The following CASZ1 variants were observed in gnomAD, a reference collection of about 807,000 sequenced individuals.
CASZ1 encodes the protein zinc finger protein castor homolog 1.
Under a neutral mutation model 135.2 loss-of-function variants are expected in CASZ1, and 28 were observed. That is an observed-to-expected ratio of 0.21 (90% confidence interval 0.15 to 0.28). The LOEUF (loss-of-function observed/expected upper bound fraction) is 0.28, where lower values mean the gene tolerates loss of function less well. Ranked by LOEUF, CASZ1 falls within the 10% of genes least tolerant of loss-of-function variation. The pLI is 1.00. For missense variants in CASZ1, 2,161 were observed against 2,453.3 expected (o/e 0.88, Z 2.52); for synonymous variants, 1,068 against 1,073.4 (o/e 0.99, Z 0.10).
chr1:10,710,261 C>T (rs925630420), intron 2 of CASZ1, among the ~76,000 whole-genome samples: 2 of 152,176 alleles, frequency 1.3e-5, no homozygotes, highest in Non-Finnish European at 2.9e-5. Flanking sequence ...GCCTCAAGTC[C>T]TTCATGGGAT....
At chr1:10,663,043 G>A (rs1038512721) in intron 5 of CASZ1, among the ~76,000 whole-genome samples, 1 of 152,198 alleles carries the variant, frequency 6.6e-6, no homozygotes, top group Admixed American at 6.5e-5. Flanking sequence ...TCAGGGTTAG[G>A]TGCACCCGCG....
At chr1:10,784,164 G>A (rs1224059503) in intron 1 of CASZ1, among the ~76,000 whole-genome samples, 1 of 152,152 alleles carries the variant, frequency 6.6e-6, no homozygotes, top group African/African-American at 2.4e-5. Flanking sequence ...TGGGAGAGAG[G>A]AAACCTGCAG....
chr1:10,782,888 C>T (rs1226247254), intron 1 of CASZ1, among the ~76,000 whole-genome samples: 1 of 152,122 alleles, frequency 6.6e-6, no homozygotes, highest in East Asian at 1.9e-4. Flanking sequence ...ACCAAACAGG[C>T]ACTGAGAGTT....
At chr1:10,765,266 TG>T (rs1334228821) in intron 1 of CASZ1, among the ~76,000 whole-genome samples, 1 of 151,068 alleles carries the variant, frequency 6.6e-6, no homozygotes, top group Non-Finnish European at 1.5e-5. Context: ...AGAGGGTACG[TG>T]GTGGAAGATA....
chr1:10,743,673 G>C (rs111732180), intron 2 of CASZ1, among the ~76,000 whole-genome samples: 3 of 142,820 alleles, frequency 2.1e-5, no homozygotes, highest in African/African-American at 8.4e-5. Context: ...ATGGGGGGGC[G>C]GGGTGCGGGG....
rs2100290085 is a variant in CASZ1, at chr1:10,665,175, T to C, written c.413A>G (p.Glu138Gly). 2 of 1,561,228 alleles carry C rather than the reference T, an allele frequency of 1.3e-6. No individual in the cohort carries two copies. Among genetic ancestry groups the C allele is most frequent in the South Asian group, 2.4e-5 (2 of 83,062 alleles). Reference sequence around the variant, plus strand: ...CAGGGCACCGCCGTCCTTGGAGGGCTCCTCCGCGTGGTCTTCCTCATCGCT... The same window carrying C: ...CAGGGCACCGCCGTCCTTGGAGGGCCCCTCCGCGTGGTCTTCCTCATCGCT... ...GCSDEEDHAEEPSKDGGALEE... is the reference protein window; with the variant it reads ...GCSDEEDHAEGPSKDGGALEE... The change falls in exon 5 of 21, where the codon GAG becomes GGG. Residue 138 changes from glutamate (E) to glycine (G), a missense_variant. Coordinates refer to ENST00000377022, the MANE Select transcript of CASZ1 (RefSeq NM_001079843.3).
At chr1:10,662,062 A>AACGC (rs1643051962) in intron 5 of CASZ1, among the ~76,000 whole-genome samples, 1 of 150,780 alleles carries the variant, frequency 6.6e-6, no homozygotes, top group Non-Finnish European at 1.5e-5. Flanking sequence ...AATCACCTAT[A>AACGC]ACACACACGC....
intron 2 of CASZ1, among the ~76,000 whole-genome samples, chr1:10,749,468 C>T (rs1010010596): frequency 1.3e-4 from 20 of 152,096 alleles, no homozygotes; most frequent in African/African-American, 4.1e-4. Flanking sequence ...AGGATGGTCT[C>T]GATCTCCTGA....
At position 10,721,884 on chromosome 1, in the gene CASZ1, G is replaced by T. The variant is rs1054745055; in HGVS notation, c.-76-16340C>A. ...GCCCATGCCGAGGGGAAGAAGAGGGGCCAGGGCAGCCTCTTCGGGTCCGCC... is the reference window on the plus strand; with the variant it reads ...GCCCATGCCGAGGGGAAGAAGAGGGTCCAGGGCAGCCTCTTCGGGTCCGCC... On this transcript the variant is annotated intron_variant, in intron 2 of 20. Transcript: ENST00000377022. The surrounding 1 kb of genome is among the most constrained non-coding windows in gnomAD (Gnocchi z 5.4). Among the ~76,000 whole-genome samples, 3 of 152,204 alleles carry T rather than the reference G, an allele frequency of 2.0e-5. No individual in the cohort carries two copies. The highest frequency in any genetic ancestry group is 7.2e-5 in the African/African-American group (3 of 41,448).
rs776446881 is a variant in CASZ1, at chr1:10,777,497, G to A, written c.-233-16640C>T. On this transcript the variant is annotated intron_variant, in intron 1 of 20. Coordinates refer to ENST00000377022, the MANE Select transcript of CASZ1 (RefSeq NM_001079843.3). The surrounding 1 kb of genome is among the most constrained non-coding windows in gnomAD (Gnocchi z 4.4). The stretch of plus-strand genomic sequence containing the variant: ...CAGAGCACAGTCTCACTCAGGGTAG[G>A]CCTGGGGCAGGGGACCAAGTGATAC... Among the ~76,000 whole-genome samples the A allele has an allele frequency of 6.6e-6, 1 of 152,200 alleles. No individual in the cohort carries two copies. The highest frequency in any genetic ancestry group is 1.5e-5 in the Non-Finnish European group (1 of 68,028).
chr1:10,686,573 T>TC (rs1415293516), intron 4 of CASZ1, among the ~76,000 whole-genome samples: 1 of 151,952 alleles, frequency 6.6e-6, no homozygotes, highest in Admixed American at 6.5e-5. Flanking sequence ...CACCTGGGCT[T>TC]CCCCCCAGGC....
Position 10,647,296 on chromosome 1 carries a change from C to A in CASZ1, c.3497+505G>T. 1 of 1,000,446 alleles carries A rather than the reference C, an allele frequency of 1.0e-6. No individual in the cohort carries two copies. Among genetic ancestry groups the A allele is most frequent in the Non-Finnish European group, 1.2e-6 (1 of 838,114 alleles). The allele number at this position is 1,000,446 out of a possible 1,614,324, so 62.0% of individuals were successfully genotyped here. ...AAGTCACCGTTCTCCCTGCAAGGAG[C>A]CACCACCATCCAGTGAGGAGGGTCC... is the stretch of plus-strand genomic sequence containing the variant. On this transcript the variant is annotated intron_variant, in intron 16 of 20. Coordinates refer to ENST00000377022, the MANE Select transcript of CASZ1 (RefSeq NM_001079843.3). The surrounding 1 kb of genome is among the most constrained non-coding windows in gnomAD (Gnocchi z 4.9).
rs1640059497 is a variant in CASZ1, at chr1:10,747,161, C to T, written c.-77+13540G>A. ...TTTGCCCCAGGAGGCTCCAGCTACT[C>T]CACCAGCTACCCCCATACCCTCTGA... On this transcript the variant is annotated intron_variant, in intron 2 of 20. Coordinates refer to ENST00000377022, the MANE Select transcript of CASZ1 (RefSeq NM_001079843.3). The surrounding 1 kb of genome is among the most constrained non-coding windows in gnomAD (Gnocchi z 4.3). Among the ~76,000 whole-genome samples the T allele has an allele frequency of 6.6e-6, 1 of 152,234 alleles. No individual in the cohort carries two copies. The highest frequency in any genetic ancestry group is 2.4e-5 in the African/African-American group (1 of 41,458).
rs374723116 is a variant in CASZ1 at position 10,759,974 on chromosome 1, T to C, written c.-77+727A>G. On this transcript the variant is annotated intron_variant, in intron 2 of 20. Transcript: ENST00000377022. The surrounding 1 kb of genome is among the most constrained non-coding windows in gnomAD (Gnocchi z 4.2). The stretch of plus-strand genomic sequence containing the variant: ...GACCAGCATGCAATGAGTCACCCAA[T>C]GTGTGTCAACCCCTCACCCCAAGAA... Among the ~76,000 whole-genome samples, 1 of 152,148 alleles carries C rather than the reference T, an allele frequency of 6.6e-6. No homozygotes were observed. Among genetic ancestry groups the C allele is most frequent in the Non-Finnish European group, 1.5e-5 (1 of 68,034 alleles).
intron 4 of CASZ1, among the ~76,000 whole-genome samples, chr1:10,691,626 C>T (rs759914971): frequency 1.2e-4 from 18 of 152,222 alleles, no homozygotes; most frequent in Admixed American, 9.2e-4. Context: ...CCACGAGCCC[C>T]GGCCAGAGAC....
chr1:10,670,558 C>T (rs1433568195), intron 4 of CASZ1, among the ~76,000 whole-genome samples: 1 of 152,218 alleles, frequency 6.6e-6, no homozygotes, highest in Non-Finnish European at 1.5e-5. Flanking sequence ...GTACCGTGTA[C>T]AGACCAGACC....
rs1640229648 is a variant in CASZ1 at position 10,755,287 on chromosome 1, G to A, written c.-77+5414C>T. 6.6e-6 allele frequency among the ~76,000 whole-genome samples: 1 copy of A among 152,214 alleles called. No individual in the cohort carries two copies. Among genetic ancestry groups the A allele is most frequent in the South Asian group, 2.1e-4 (1 of 4,826 alleles). ...AGAACAAAAGCACATGGGGGAACCT[G>A]GCAGGAGACCGGAGAGGAGGAGCTT... is the stretch of plus-strand genomic sequence containing the variant. On this transcript the variant is annotated intron_variant, in intron 2 of 20. Coordinates refer to ENST00000377022, the MANE Select transcript of CASZ1 (RefSeq NM_001079843.3). This position sits in a 1 kb window ranked among gnomAD's most constrained non-coding sequence, Gnocchi z 4.3.
chr1:10,725,946 G>C lies in CASZ1; in HGVS notation c.-76-20402C>G, dbSNP rs1194409399. Among the ~76,000 whole-genome samples the C allele has an allele frequency of 6.6e-6, 1 of 152,172 alleles. No individual in the cohort carries two copies. Among genetic ancestry groups the C allele is most frequent in the Non-Finnish European group, 1.5e-5 (1 of 68,016 alleles). On this transcript the variant is annotated intron_variant, in intron 2 of 20. Transcript: ENST00000377022. The surrounding 1 kb of genome is among the most constrained non-coding windows in gnomAD (Gnocchi z 4.4). Reference sequence around the variant, plus strand: ...CATCCTCAGGATCCCTTAGTAGCAAGAGCAGGGTGAGGCTCCACCTCAGTG... The same window carrying C: ...CATCCTCAGGATCCCTTAGTAGCAACAGCAGGGTGAGGCTCCACCTCAGTG...
At chr1:10,689,013 G>T (rs1638681691) in intron 4 of CASZ1, among the ~76,000 whole-genome samples, 1 of 152,204 alleles carries the variant, frequency 6.6e-6, no homozygotes, top group South Asian at 2.1e-4. Flanking sequence ...AGGAAGAGGT[G>T]GGAGCAGCGG....
Sources: gnomAD v4.1 joint callset for allele counts (sites outside exome capture counted in the v4.1 genomes callset) on GRCh38, gnomAD v4.1.1 for gene constraint, Gnocchi (gnomAD v3.1) non-coding constraint, MANE v1.5 for transcripts, NCBI Gene and HGNC (gene_info 2026-07-23, HGNC 2026-07-21) for gene names.